The following CNTNAP5 variants were observed in gnomAD, a reference collection of about 807,000 sequenced individuals.
The protein encoded by CNTNAP5 is contactin associated protein family member 5, also known as contactin-associated protein-like 5.
CNTNAP5 carries 72 observed loss-of-function variants against 150.2 expected under a neutral mutation model. The observed-to-expected ratio is 0.48, with a 90% CI of 0.40 to 0.58. The LOEUF is 0.58. Among genes scored for constraint, CNTNAP5 ranks in the 20% least tolerant of loss-of-function variants. The pLI, the probability that CNTNAP5 is intolerant of heterozygous loss-of-function variation, is 0.00. For synonymous variants in CNTNAP5, 672 were observed against 619.8 expected, an observed-to-expected ratio of 1.08 and a Z score of -1.25; for missense variants, 1,636 against 1,626.2, an observed-to-expected ratio of 1.01 and a Z score of -0.10.
intron 1 of CNTNAP5, among the ~76,000 whole-genome samples, chr2:124,051,140 T>A (rs1371655837): frequency 2.0e-5 from 3 of 152,182 alleles, no homozygotes; most frequent in Non-Finnish European, 2.9e-5. Flanking sequence ...TATTTGAACA[T>A]CTGCAATAGT....
At chr2:124,749,884 G>A (rs375533580) in intron 14 of CNTNAP5, among the ~76,000 whole-genome samples, 2 of 152,176 alleles carry the variant, frequency 1.3e-5, no homozygotes, top group East Asian at 3.9e-4. Flanking sequence ...AGGGAAAAGC[G>A]TGGCCTTATA....
chr2:124,790,281 A>G (rs1011013088), intron 18 of CNTNAP5, 140 bp downstream of exon 18: 4 of 894,034 alleles, frequency 4.5e-6, no homozygotes, highest in Non-Finnish European at 6.7e-6. Context: ...TAGTTCTTCA[A>G]CGTAATTGCA....
At chr2:124,725,095 T>C (rs2105120594) in intron 13 of CNTNAP5, among the ~76,000 whole-genome samples, 1 of 152,170 alleles carries the variant, frequency 6.6e-6, no homozygotes, top group African/African-American at 2.4e-5. Context: ...ATAAATTTAT[T>C]TTCCAACTCA....
intron 1 of CNTNAP5, among the ~76,000 whole-genome samples, chr2:124,189,645 C>G (rs1433140341): frequency 6.6e-6 from 1 of 152,156 alleles, no homozygotes; most frequent in Non-Finnish European, 1.5e-5. Context: ...CTCAAATTAA[C>G]CAAGGAGAAA....
In CNTNAP5 at chr2:124,918,419, C is replaced by T. The variant is rs988134058; in HGVS notation, c.*4131C>T. On this transcript the variant is annotated 3_prime_UTR_variant, in exon 24 of 24. Transcript: ENST00000682447. ...TGTCCATTTATGTGAGGTCTCACCT[C>T]TGAGCCTGAGTGAGTGTTTCCTGTC... Among the ~76,000 whole-genome samples the T allele has an allele frequency of 6.6e-6, 1 of 152,064 alleles. No homozygotes were observed. The highest frequency in any genetic ancestry group is 6.6e-5 in the Admixed American group (1 of 15,232).
intron 3 of CNTNAP5, among the ~76,000 whole-genome samples, chr2:124,375,066 G>A (rs1462608532): frequency 1.3e-5 from 2 of 151,978 alleles, no homozygotes; most frequent in Non-Finnish European, 2.9e-5. Context: ...TTCTTACAGA[G>A]GAATTCTAAT....
intron 13 of CNTNAP5, among the ~76,000 whole-genome samples, chr2:124,702,402 T>C (rs945030496): frequency 2.5e-5 from 3 of 119,822 alleles, no homozygotes; most frequent in Non-Finnish European, 5.0e-5. Flanking sequence ...TTTTTGCTAG[T>C]GAAGAACTTC....
chr2:124,241,406 A>T (rs1414946907), intron 2 of CNTNAP5, among the ~76,000 whole-genome samples: 2 of 151,908 alleles, frequency 1.3e-5, no homozygotes, highest in Admixed American at 1.3e-4. Flanking sequence ...TTCCCTGGCT[A>T]ATCTCCATCG....
intron 10 of CNTNAP5, among the ~76,000 whole-genome samples, chr2:124,546,792 T>C (rs1358155367): frequency 6.6e-6 from 1 of 152,166 alleles, no homozygotes; most frequent in African/African-American, 2.4e-5. Context: ...ACAAACAAAT[T>C]TTCAGCCTGC....
chr2:124,212,613 C>A (rs1335158384), intron 1 of CNTNAP5, among the ~76,000 whole-genome samples: 2 of 152,070 alleles, frequency 1.3e-5, no homozygotes, highest in Non-Finnish European at 2.9e-5. Flanking sequence ...TTATTCATAA[C>A]CTTAAAAGTT....
intron 3 of CNTNAP5, among the ~76,000 whole-genome samples, chr2:124,316,432 G>A (rs1038918821): frequency 6.6e-6 from 1 of 152,138 alleles, no homozygotes; most frequent in Non-Finnish European, 1.5e-5. Context: ...ACTGTTAAAA[G>A]GTTCACACTG....
chr2:124,765,051 A>G (rs1681040958), intron 16 of CNTNAP5, among the ~76,000 whole-genome samples: 1 of 152,122 alleles, frequency 6.6e-6, no homozygotes, highest in Non-Finnish European at 1.5e-5. Flanking sequence ...AATACTTTCT[A>G]TTAATTTTAG....
At chr2:124,641,315 TC>T (rs1349046742) in intron 12 of CNTNAP5, among the ~76,000 whole-genome samples, 1 of 151,780 alleles carries the variant, frequency 6.6e-6, no homozygotes, top group Admixed American at 6.6e-5. Flanking sequence ...TGTCCAGGAA[TC>T]CAGTGGGTGG....
At chr2:124,148,579 G>A (rs1684318964) in intron 1 of CNTNAP5, among the ~76,000 whole-genome samples, 1 of 145,220 alleles carries the variant, frequency 6.9e-6, no homozygotes, top group African/African-American at 2.5e-5. Context: ...TATATGTTAG[G>A]GCCTATTCAG....
At chr2:124,675,156 G>A (rs936474229) in intron 13 of CNTNAP5, among the ~76,000 whole-genome samples, 13 of 151,820 alleles carry the variant, frequency 8.6e-5, no homozygotes, top group African/African-American at 2.4e-4. Flanking sequence ...GTTTATAATC[G>A]TTTTATTTTC....
intron 1 of CNTNAP5, among the ~76,000 whole-genome samples, chr2:124,151,445 C>T (rs1216244480): frequency 1.3e-5 from 2 of 152,140 alleles, no homozygotes; most frequent in African/African-American, 2.4e-5. Context: ...ACTTGGAAGT[C>T]GGATGAACCA....
In CNTNAP5 at chr2:124,524,331, C is replaced by T; in HGVS notation, c.1356C>T (p.His452=). The T allele has an allele frequency of 6.2e-7, 1 of 1,613,820 alleles. No homozygotes were observed. The highest frequency in any genetic ancestry group is 8.5e-7 in the Non-Finnish European group (1 of 1,179,820). The change falls in exon 9 of 24, where the codon CAC becomes CAT. Residue 452 remains histidine, a synonymous_variant. Coordinates refer to ENST00000682447, the MANE Select transcript of CNTNAP5 (RefSeq NM_001367498.1). ...GCAACTTGAATGATGGCCTGTGGCA[C>T]TCGGTTAGCATCAACGCCAGGAGGA... ...TGSNLNDGLW[H]SVSINARRNR... is the part of the protein sequence containing the mutation.
chr2:124,446,595 T>A (rs1217791042), intron 5 of CNTNAP5, among the ~76,000 whole-genome samples, 158 bp from the exon 6 acceptor site: 2 of 152,200 alleles, frequency 1.3e-5, no homozygotes, highest in Non-Finnish European at 2.9e-5. Flanking sequence ...GGGCCAAGCC[T>A]GTTATTCCTT....
At chr2:124,638,778 T>G (rs9653419) in intron 12 of CNTNAP5, among the ~76,000 whole-genome samples, 14,402 of 152,236 alleles carry the variant, frequency 0.095, 975 homozygotes, top group African/African-American at 0.19. Context: ...CATACTCTTT[T>G]GTGCATCAAT....
Sources: allele counts gnomAD v4.1 joint callset (sites outside exome capture counted in the v4.1 genomes callset), GRCh38; gene constraint gnomAD v4.1.1; transcripts MANE v1.5; gene names NCBI Gene and HGNC (gene_info 2026-07-23, HGNC 2026-07-21).